The following LYPD6 variants were observed in gnomAD, a reference collection of about 807,000 sequenced individuals.
LYPD6 encodes LY6/PLAUR domain containing 6.
Under a neutral mutation model 22.7 loss-of-function variants are expected in LYPD6, and 15 were observed. The ratio of observed to expected loss-of-function variants is 0.66; its 90% CI spans 0.44 to 1.02. The LOEUF (loss-of-function observed/expected upper bound fraction) is 1.02. Among genes scored for constraint, LYPD6 ranks in the 50% least tolerant of loss-of-function variants. The pLI is 0.00. For missense variants in LYPD6, 189 were observed against 208.4 expected (o/e 0.91, Z 0.57); for synonymous variants, 72 against 77.5 (o/e 0.93, Z 0.37).
chr2:149,393,849 C>T (rs1474571030), intron 1 of LYPD6, among the ~76,000 whole-genome samples: 1 of 152,076 alleles, frequency 6.6e-6, no homozygotes, highest in East Asian at 1.9e-4. Flanking sequence ...AATCCATTAC[C>T]ATCTATTAGC....
Position 149,441,109 on chromosome 2 carries a change from C to T in LYPD6, c.118+3283C>T, listed in dbSNP as rs116949310. 6.3e-4 allele frequency among the ~76,000 whole-genome samples: 96 copies of T among 152,240 alleles called. No individual in the cohort carries two copies. In the East Asian group the frequency reaches 0.017, roughly 27 times the overall value. Reference sequence around the variant, plus strand: ...CTTTGATTTTTTAAATGGCGTGGTTCTATGTCCTTGAGCACTAGACCATAT... The same window carrying T: ...CTTTGATTTTTTAAATGGCGTGGTTTTATGTCCTTGAGCACTAGACCATAT... On this transcript the variant is annotated intron_variant, in intron 2 of 4. Coordinates refer to ENST00000334166, the MANE Select transcript of LYPD6 (RefSeq NM_194317.5).
At chr2:149,409,903 G>A (rs1682815741) in intron 1 of LYPD6, among the ~76,000 whole-genome samples, 1 of 152,132 alleles carries the variant, frequency 6.6e-6, no homozygotes, top group African/African-American at 2.4e-5. Flanking sequence ...ATCTTAGGGG[G>A]CCTGCAGCAG....
rs1177108469 is a variant in LYPD6, at chr2:149,472,032, A to T, written c.*1182A>T. On this transcript the variant is annotated 3_prime_UTR_variant, in exon 5 of 5. Coordinates refer to ENST00000334166, the MANE Select transcript of LYPD6 (RefSeq NM_194317.5). The stretch of plus-strand genomic sequence containing the variant: ...TATTGCTTTTGAAGTAGATGGTAAA[A>T]TTTTTGTCATCCTTCTTGTATTTTT... The T allele has an allele frequency of 6.6e-6, 1 of 152,460 alleles. No individual in the cohort carries two copies. Among genetic ancestry groups the T allele is most frequent in the East Asian group, 1.9e-4 (1 of 5,192 alleles). 9.4% of individuals were successfully genotyped at this position (152,460 alleles called of 1,614,324 possible). A position where few individuals can be genotyped will look rare whatever the true frequency, so the allele number is the denominator to read the frequency against.
chr2:149,362,779 C>G (rs1214359047), intron 1 of LYPD6, among the ~76,000 whole-genome samples: 1 of 152,106 alleles, frequency 6.6e-6, no homozygotes, highest in Non-Finnish European at 1.5e-5. Flanking sequence ...AACCCACTCC[C>G]AAGATAATGA....
intron 1 of LYPD6, among the ~76,000 whole-genome samples, chr2:149,390,337 C>T (rs966935468): frequency 1.6e-4 from 24 of 152,174 alleles, no homozygotes; most frequent in African/African-American, 5.3e-4. Flanking sequence ...TGGCCCTTGT[C>T]CCTCAGGGGA....
chr2:149,378,646 G>C (rs1222995142), intron 1 of LYPD6, among the ~76,000 whole-genome samples: 1 of 152,162 alleles, frequency 6.6e-6, no homozygotes, highest in Non-Finnish European at 1.5e-5. Context: ...AGATGAAAGG[G>C]GAGTCTTGCA....
intron 3 of LYPD6, among the ~76,000 whole-genome samples, chr2:149,466,592 G>A (rs1681205359): frequency 6.6e-6 from 1 of 152,086 alleles, no homozygotes; most frequent in Admixed American, 6.6e-5. Flanking sequence ...GTCATTCAAT[G>A]GAATACGCTC....
chr2:149,401,024 G>A (rs1682542999), intron 1 of LYPD6, among the ~76,000 whole-genome samples: 1 of 152,180 alleles, frequency 6.6e-6, no homozygotes, highest in African/African-American at 2.4e-5. Flanking sequence ...TGTATTTCAG[G>A]CAGCTAGAAG....
At chr2:149,447,035 C>G (rs1683705068) in intron 2 of LYPD6, among the ~76,000 whole-genome samples, 1 of 152,190 alleles carries the variant, frequency 6.6e-6, no homozygotes, top group African/African-American at 2.4e-5. Context: ...GAACAGTTGG[C>G]TCCTGCAGAT....
the LYPD6 span, among the ~76,000 whole-genome samples, chr2:149,483,994 TC>T: frequency 6.6e-6 from 1 of 152,174 alleles, no homozygotes; most frequent in Non-Finnish European, 1.5e-5. Flanking sequence ...CGAAGTGACC[TC>T]AGTTAAATTT....
At chr2:149,421,832 G>A (rs573404483) in intron 1 of LYPD6, among the ~76,000 whole-genome samples, 7 of 152,076 alleles carry the variant, frequency 4.6e-5, no homozygotes, top group African/African-American at 1.2e-4. Context: ...CTGTGAAACC[G>A]TTTTCTCCTT....
chr2:149,357,993 C>G (rs1681479583), intron 1 of LYPD6, among the ~76,000 whole-genome samples: 1 of 152,056 alleles, frequency 6.6e-6, no homozygotes, highest in Non-Finnish European at 1.5e-5. Context: ...ACCATGTTGT[C>G]CAGGCTGGTC....
intron 1 of LYPD6, among the ~76,000 whole-genome samples, chr2:149,353,566 C>G (rs1194766415): frequency 6.6e-6 from 1 of 152,236 alleles, no homozygotes; most frequent in Non-Finnish European, 1.5e-5. Flanking sequence ...GTGATATATA[C>G]TATGGAGAGC....
chr2:149,478,704 A>G (rs750236675), downstream of LYPD6, among the ~76,000 whole-genome samples: 1 of 152,064 alleles, frequency 6.6e-6, no homozygotes, highest in Non-Finnish European at 1.5e-5. Flanking sequence ...GATTATGGGA[A>G]TGAGGCACTG....
At chr2:149,353,770 TA>T (rs55884409) in intron 1 of LYPD6, among the ~76,000 whole-genome samples, 9,158 of 148,336 alleles carry the variant, frequency 0.062, 297 homozygotes, top group Middle Eastern at 0.094. Flanking sequence ...ATGTGCTCAT[TA>T]AAAAAAAAAA....
intron 3 of LYPD6, among the ~76,000 whole-genome samples, chr2:149,466,200 C>T (rs962129170): frequency 1.3e-5 from 2 of 152,172 alleles, no homozygotes; most frequent in Non-Finnish European, 2.9e-5. Flanking sequence ...CATGAGATCA[C>T]AACACATATA....
At chr2:149,458,215 C>T (rs964785192) in intron 3 of LYPD6, among the ~76,000 whole-genome samples, 25 of 152,134 alleles carry the variant, frequency 1.6e-4, no homozygotes, top group African/African-American at 6.0e-4. Context: ...TGACACTTGT[C>T]CCTCCCCACC....
intron 2 of LYPD6, 74 bp from the exon 3 acceptor site, chr2:149,448,975 T>C (rs548657517): frequency 8.7e-7 from 1 of 1,153,344 alleles, no homozygotes; most frequent in African/African-American, 1.6e-5. Flanking sequence ...TTTAAAATAA[T>C]GAAAATGTCT....
intron 1 of LYPD6, among the ~76,000 whole-genome samples, chr2:149,401,255 G>C (rs1434759584): frequency 6.6e-6 from 1 of 152,206 alleles, no homozygotes; most frequent in African/African-American, 2.4e-5. Flanking sequence ...CATTGGTCAG[G>C]AATGCACCAC....
Sources: gnomAD v4.1 joint callset for allele counts (sites outside exome capture counted in the v4.1 genomes callset) on GRCh38, gnomAD v4.1.1 for gene constraint, MANE v1.5 for transcripts, NCBI Gene and HGNC (gene_info 2026-07-23, HGNC 2026-07-21) for gene names.